The following ABCC9 variants were observed in gnomAD, a reference collection of about 807,000 sequenced individuals.
The protein encoded by ABCC9 is ATP binding cassette subfamily C member 9, also known as ATP-binding cassette sub-family C member 9.
ABCC9 carries 95 observed loss-of-function variants against 188.3 expected under a neutral mutation model. That is an observed-to-expected ratio of 0.50 (90% CI 0.43 to 0.60). The LOEUF is 0.60. Ranked by LOEUF, ABCC9 falls within the 20% of genes least tolerant of loss-of-function variation. ABCC9 has a pLI of 0.00. For synonymous variants in ABCC9, 659 were observed against 652.7 expected (o/e 1.01, Z -0.15); for missense variants, 1,102 against 1,876.3 (o/e 0.59, Z 7.62).
At position 21,798,059 on chromosome 12, in the gene ABCC9, T is replaced by C. The variant is rs1467734851; in HGVS notation, c.*2985A>G. ...ATGAAAAACATTATCCTTGACCTTATTTAGTCAATTTAGTTTGTAAACAAT... is the reference window on the plus strand; with the variant it reads ...ATGAAAAACATTATCCTTGACCTTACTTAGTCAATTTAGTTTGTAAACAAT... On this transcript the variant is annotated 3_prime_UTR_variant, in exon 40 of 40. Coordinates refer to ENST00000261200, the MANE Select transcript of ABCC9 (RefSeq NM_020297.4). The C allele has an allele frequency of 1.3e-5, 2 of 152,216 alleles. No individual in the cohort carries two copies. The highest frequency in any genetic ancestry group is 2.4e-5 in the African/African-American group (1 of 41,468). The allele number at this position is 152,216 out of a possible 1,614,324, so 9.4% of individuals were successfully genotyped here.
chr12:21,843,005 A>T (rs1342171654), intron 28 of ABCC9, among the ~76,000 whole-genome samples: 3 of 152,006 alleles, frequency 2.0e-5, no homozygotes, highest in African/African-American at 7.2e-5. Flanking sequence ...CCAGTTATCT[A>T]TTGTATTTAA....
intron 4 of ABCC9, among the ~76,000 whole-genome samples, chr12:21,930,667 A>G (rs1360390554): frequency 6.6e-6 from 1 of 152,234 alleles, no homozygotes; most frequent in African/African-American, 2.4e-5. Flanking sequence ...AGAAATGTTT[A>G]TAGCATTTTT....
chr12:21,915,225 A>ATGTG (rs377233626), intron 7 of ABCC9, among the ~76,000 whole-genome samples: 1,934 of 129,116 alleles, frequency 0.015, 32 homozygotes, highest in African/African-American at 0.036. Flanking sequence ...TTATATATAT[A>ATGTG]TGTGTGTGTG....
At chr12:21,877,616 G>A (rs1689372221) in intron 16 of ABCC9, among the ~76,000 whole-genome samples, 1 of 152,088 alleles carries the variant, frequency 6.6e-6, no homozygotes, top group African/African-American at 2.4e-5. Flanking sequence ...TGTGGACAAG[G>A]GCCAGCATGA....
chr12:21,848,288 A>G (rs1012347128), intron 24 of ABCC9, 42 bp from the exon 25 acceptor site: 8 of 1,543,292 alleles, frequency 5.2e-6, no homozygotes, highest in Admixed American at 5.0e-5. Context: ...GCTAACACCA[A>G]TAGGTTGTGA....
At chr12:21,875,911 C>T (rs1369775895) in intron 16 of ABCC9, among the ~76,000 whole-genome samples, 185 bp from the exon 17 acceptor site, 2 of 152,008 alleles carry the variant, frequency 1.3e-5, no homozygotes, top group African/African-American at 4.8e-5. Flanking sequence ...GGTGAAACCC[C>T]ATCTCTACTA....
At chr12:21,852,573 A>T (rs1322042972) in intron 22 of ABCC9, 68 bp from the exon 23 acceptor site, 1 of 1,568,490 alleles carries the variant, frequency 6.4e-7, no homozygotes, top group African/African-American at 1.3e-5. Context: ...ATTCCTCTCG[A>T]AAATAGTAAT....
At chr12:21,939,689 C>G (rs1329358663) in intron 2 of ABCC9, among the ~76,000 whole-genome samples, 4 of 152,084 alleles carry the variant, frequency 2.6e-5, no homozygotes, top group Non-Finnish European at 5.9e-5. Context: ...ATAATGTTTC[C>G]CTTTCCACAA....
chr12:21,842,524 G>T, intron 28 of ABCC9, 53 bp from the exon 29 acceptor site: 1 of 1,560,838 alleles, frequency 6.4e-7, no homozygotes, highest in Non-Finnish European at 8.8e-7. Flanking sequence ...AATATTGGCT[G>T]CAATGTAACA....
At chr12:21,846,203 G>T (rs983922817) in intron 25 of ABCC9, among the ~76,000 whole-genome samples, 3 of 152,150 alleles carry the variant, frequency 2.0e-5, no homozygotes, top group Admixed American at 6.5e-5. Flanking sequence ...AATTTATAAA[G>T]CTGCACCAGG....
intron 12 of ABCC9, among the ~76,000 whole-genome samples, chr12:21,896,791 A>T (rs1322080413): frequency 6.6e-6 from 1 of 152,186 alleles, no homozygotes; most frequent in East Asian, 1.9e-4. Flanking sequence ...CATGGTGTAT[A>T]TACCACATTT....
chr12:21,881,699 T>A (rs1177822359), intron 16 of ABCC9, among the ~76,000 whole-genome samples: 2 of 97,342 alleles, frequency 2.1e-5, no homozygotes, highest in African/African-American at 7.3e-5. Context: ...TATAATCGCC[T>A]AGGGAACAAC....
rs184104972 is a variant in ABCC9, at chr12:21,880,522, A to G, written c.2019+2244T>C. On this transcript the variant is annotated intron_variant, in intron 16 of 39. Transcript: ENST00000261200. Reference sequence around the variant, plus strand: ...TCAAAGTAGTACCAAAAATTTTTAAAGAGGAGAAGGACAAACAACCTGGTA... The same window carrying G: ...TCAAAGTAGTACCAAAAATTTTTAAGGAGGAGAAGGACAAACAACCTGGTA... Among the ~76,000 whole-genome samples, 5 of 152,298 alleles carry G rather than the reference A, an allele frequency of 3.3e-5. No homozygotes were observed. In the East Asian group the frequency reaches 5.8e-4, roughly 18 times the overall value.
intron 39 of ABCC9, among the ~76,000 whole-genome samples, chr12:21,801,591 C>T (rs568389842): frequency 4.6e-5 from 7 of 152,224 alleles, no homozygotes; most frequent in African/African-American, 9.6e-5. Flanking sequence ...TAACACAATT[C>T]GAAGAACCCT....
At chr12:21,807,955 T>C (rs1001829651) in intron 37 of ABCC9, among the ~76,000 whole-genome samples, 14 of 152,160 alleles carry the variant, frequency 9.2e-5, no homozygotes, top group Admixed American at 9.2e-4. Context: ...TATTTTTTTT[T>C]TGTCAGAATG....
At chr12:21,907,075 CT>C (rs944243829) in intron 11 of ABCC9, among the ~76,000 whole-genome samples, 7 of 152,002 alleles carry the variant, frequency 4.6e-5, no homozygotes, top group African/African-American at 1.4e-4. Flanking sequence ...AGCAAACAGC[CT>C]GGTTTTTGTT....
rs890069742 is a variant in ABCC9, at chr12:21,801,081, T to C, written c.4613A>G (p.Asn1538Ser). ...GCGAACAAAAGAAGCAAATACTCCA[T>C]TTTCCTGAGCCAAGAGGCTTTCTGG... ...DTPESLLAQE[N>S]GVFASFVRAD... Residue 1538 changes from asparagine to serine, a missense_variant, in exon 40 of 40, where the codon AAT (asparagine) becomes AGT (serine). Physicochemically the swap from Asn to Ser is conservative, Grantham distance 46. This residue lies in a region of ABCC9 where 30 missense variants were observed against 34.3 expected (regional missense o/e 0.87). Transcript: ENST00000261200. 3 of 1,613,870 alleles carry C rather than the reference T, an allele frequency of 1.9e-6. No homozygotes were observed. The African/African-American group carries it at 4.0e-5, about 22-fold the overall frequency.
intron 5 of ABCC9, among the ~76,000 whole-genome samples, chr12:21,922,406 C>A (rs567957040): frequency 4.0e-5 from 6 of 151,868 alleles, no homozygotes; most frequent in African/African-American, 1.4e-4. Context: ...GATGAATGAT[C>A]TTTTTAATGT....
At chr12:21,863,168 A>T in intron 19 of ABCC9, 114 bp from the exon 20 acceptor site, 2 of 737,884 alleles carry the variant, frequency 2.7e-6, no homozygotes, top group African/African-American at 3.6e-5. Flanking sequence ...CAGATACAGA[A>T]ATGGAAAACT....
Sources: allele counts gnomAD v4.1 joint callset (sites outside exome capture counted in the v4.1 genomes callset), GRCh38; gene constraint gnomAD v4.1.1; regional missense constraint gnomAD v4.1.1; transcripts MANE v1.5; gene names NCBI Gene and HGNC (gene_info 2026-07-23, HGNC 2026-07-21).